Variants in CLVS1 observed in about 807,000 individuals in gnomAD.
CLVS1 encodes clavesin 1.
Under a neutral mutation model 33.1 loss-of-function variants are expected in CLVS1, and 10 were observed. The ratio of observed to expected loss-of-function variants is 0.30; its 90% CI spans 0.19 to 0.51. The LOEUF is 0.51. Ranked by LOEUF, CLVS1 falls within the 20% of genes least tolerant of loss-of-function variation. The probability of loss-of-function intolerance (pLI) is 0.97; values close to 1 mark genes in which losing one functional copy is unlikely to be tolerated. For synonymous variants in CLVS1, 163 were observed against 166.1 expected (o/e 0.98, Z 0.14); for missense variants, 343 against 433.4 (o/e 0.79, Z 1.85).
At chr8:61,212,206 C>T (rs1807984731) in intron 2 of CLVS1, among the ~76,000 whole-genome samples, 1 of 152,176 alleles carries the variant, frequency 6.6e-6, no homozygotes, top group Non-Finnish European at 1.5e-5. Context: ...TACTTGGGAA[C>T]CACCAGGGCT....
the CLVS1 span, among the ~76,000 whole-genome samples, chr8:60,971,062 T>C: frequency 0.54 from 74,164 of 137,886 alleles, 20,692 homozygotes; most frequent in South Asian, 0.7. Flanking sequence ...TGTTCTTTGA[T>C]GACTTTTCCT....
intron 5 of CLVS1, among the ~76,000 whole-genome samples, chr8:61,485,847 A>G (rs994958172): frequency 2.6e-5 from 4 of 152,214 alleles, no homozygotes; most frequent in Non-Finnish European, 4.4e-5. Context: ...TTGCAAGGAC[A>G]GAAAACCAAA....
At chr8:61,068,881 C>T (rs965293039) in intron 1 of CLVS1, among the ~76,000 whole-genome samples, 2 of 152,154 alleles carry the variant, frequency 1.3e-5, no homozygotes, top group Non-Finnish European at 2.9e-5. Context: ...GAAGGGTCTC[C>T]CACTAATGTT....
At chr8:61,100,442 C>T (rs1190631353) in intron 1 of CLVS1, among the ~76,000 whole-genome samples, 1 of 152,176 alleles carries the variant, frequency 6.6e-6, no homozygotes, top group Non-Finnish European at 1.5e-5. Flanking sequence ...TTTGAAGCTT[C>T]TTTGTCTTCC....
chr8:61,232,041 T>TTTTTTTTTTTTTTTTG lies in CLVS1; in HGVS notation c.-151-67627_-151-67626insTTTTTTGTTTTTTTTT, dbSNP rs1554548394. On this transcript the variant is annotated intron_variant, in intron 2 of 2. Transcript: ENST00000522621. ...AGTTGTGGTTTTTTTTTTTTTTTTT[T>TTTTTTTTTTTTTTTTG]TTTTTTTTTGTGAGATGGAGTCTCG... Among the ~76,000 whole-genome samples the TTTTTTTTTTTTTTTTG allele has an allele frequency of 3.6e-4, 42 of 115,988 alleles. 1 individual carries two copies. The highest frequency in any genetic ancestry group is 1.1e-3 in the East Asian group (4 of 3,640). The allele number at this position is 115,988 out of a possible 152,430, so 76.1% of individuals were successfully genotyped here.
chr8:61,354,022 G>A (rs1585846743), intron 2 of CLVS1, among the ~76,000 whole-genome samples: 2 of 151,816 alleles, frequency 1.3e-5, no homozygotes, highest in Non-Finnish European at 2.9e-5. Context: ...ACTACACAAC[G>A]TGAAAACTCA....
At chr8:61,194,152 C>A (rs1032543305) in intron 2 of CLVS1, among the ~76,000 whole-genome samples, 1 of 151,942 alleles carries the variant, frequency 6.6e-6, no homozygotes, top group African/African-American at 2.4e-5. Flanking sequence ...CATGATAAAG[C>A]AAACACCACA....
At chr8:61,325,608 G>A (rs1019819313) in intron 2 of CLVS1, among the ~76,000 whole-genome samples, 4 of 152,232 alleles carry the variant, frequency 2.6e-5, no homozygotes, top group Admixed American at 2.6e-4. Flanking sequence ...GCTGCTGTGT[G>A]GCAACACCTT....
Position 61,353,180 on chromosome 8 carries a change from C to T in CLVS1, c.456-23425C>T, listed in dbSNP as rs149863748. Among the ~76,000 whole-genome samples the T allele has an allele frequency of 2.5e-3, 379 of 152,108 alleles. 2 individuals are homozygous for T. The highest frequency in any genetic ancestry group is 7.2e-3 in the African/African-American group (299 of 41,550). On this transcript the variant is annotated intron_variant, in intron 2 of 5. Transcript: ENST00000325897. ...GAACTTAGACAGAAGATTTGAACAACGCAATCAACCAACAGGATCTAATTG... is the reference window on the plus strand; with the variant it reads ...GAACTTAGACAGAAGATTTGAACAATGCAATCAACCAACAGGATCTAATTG...
At chr8:61,078,646 T>C (rs992278422) in intron 1 of CLVS1, among the ~76,000 whole-genome samples, 6 of 152,182 alleles carry the variant, frequency 3.9e-5, no homozygotes, top group African/African-American at 1.4e-4. Context: ...TGGGGGACAC[T>C]TTTGAGTCCA....
At chr8:61,120,743 G>A (rs1371979857) in intron 1 of CLVS1, among the ~76,000 whole-genome samples, 1 of 143,620 alleles carries the variant, frequency 7.0e-6, no homozygotes, top group African/African-American at 2.7e-5. Context: ...CAGATCTCCA[G>A]CTGCGTGCTG....
chr8:61,140,140 T>G (rs569796350), intron 2 of CLVS1, among the ~76,000 whole-genome samples: 5 of 152,198 alleles, frequency 3.3e-5, no homozygotes, highest in Non-Finnish European at 7.3e-5. Flanking sequence ...CAGGAGGCGG[T>G]CACTGTGAGA....
chr8:61,416,150 A>C (rs1441111713), intron 3 of CLVS1, among the ~76,000 whole-genome samples: 1 of 152,206 alleles, frequency 6.6e-6, no homozygotes, highest in Non-Finnish European at 1.5e-5. Flanking sequence ...GAAAATAAAT[A>C]ACAATCTTCC....
rs1803988271 is a variant in CLVS1, at chr8:61,489,278, G to C, written c.978-10177G>C. 1.3e-5 allele frequency among the ~76,000 whole-genome samples: 2 copies of C among 152,164 alleles called. 1 individual carries two copies. The highest frequency in any genetic ancestry group is 1.3e-4 in the Admixed American group (2 of 15,278). Reference sequence around the variant, plus strand: ...CTTCAATATTAACATTTACTAATGTGAATATGCATGTTTATGCCCTTTGGT... The same window carrying C: ...CTTCAATATTAACATTTACTAATGTCAATATGCATGTTTATGCCCTTTGGT... On this transcript the variant is annotated intron_variant, in intron 5 of 5. Coordinates refer to ENST00000325897, the MANE Select transcript of CLVS1 (RefSeq NM_173519.3).
intron 5 of CLVS1, among the ~76,000 whole-genome samples, chr8:61,486,990 C>T (rs901799127): frequency 1.2e-4 from 19 of 152,150 alleles, no homozygotes; most frequent in African/African-American, 4.3e-4. Flanking sequence ...TGGAGTGTTT[C>T]CTACCTATGT....
At chr8:61,003,375 C>T in the CLVS1 span, among the ~76,000 whole-genome samples, 1 of 152,160 alleles carries the variant, frequency 6.6e-6, no homozygotes, top group African/African-American at 2.4e-5. Flanking sequence ...TCAACAGGCT[C>T]ACCACCTTTG....
intron 2 of CLVS1, among the ~76,000 whole-genome samples, chr8:61,276,678 A>G (rs1044492182): frequency 6.6e-6 from 1 of 152,238 alleles, no homozygotes; most frequent in Non-Finnish European, 1.5e-5. Context: ...CTAGCACTTA[A>G]CACAGTAAGT....
At chr8:61,309,731 AG>A (rs1810769070) in intron 2 of CLVS1, among the ~76,000 whole-genome samples, 1 of 152,222 alleles carries the variant, frequency 6.6e-6, no homozygotes, top group South Asian at 2.1e-4. Context: ...GACCTGTGGC[AG>A]TCTCTAAAGG....
intron 2 of CLVS1, among the ~76,000 whole-genome samples, chr8:61,356,979 C>T (rs1563513647): frequency 6.6e-6 from 1 of 152,138 alleles, no homozygotes; most frequent in Non-Finnish European, 1.5e-5. Context: ...ATGGGGATGG[C>T]CTTGAATCTA....
Sources: allele counts gnomAD v4.1 joint callset (sites outside exome capture counted in the v4.1 genomes callset), GRCh38; gene constraint gnomAD v4.1.1; transcripts MANE v1.5; gene names NCBI Gene and HGNC (gene_info 2026-07-23, HGNC 2026-07-21).